Variants in HEATR5A observed in about 807,000 individuals in gnomAD.
HEATR5A encodes the protein HEAT repeat-containing protein 5A.
Under a neutral mutation model 218.8 loss-of-function variants are expected in HEATR5A, and 178 were observed. The ratio of observed to expected loss-of-function variants is 0.81; its 90% CI spans 0.72 to 0.92. The LOEUF (loss-of-function observed/expected upper bound fraction) is 0.92. Ranked by LOEUF, HEATR5A falls within the 40% of genes least tolerant of loss-of-function variation. The pLI is 0.00. For synonymous variants in HEATR5A, 864 were observed against 871.6 expected, an observed-to-expected ratio of 0.99 and a Z score of 0.15; for missense variants, 2,420 against 2,418.9, an observed-to-expected ratio of 1.00 and a Z score of -0.01.
chr14:31,387,435 C>G (rs2030273660), intron 7 of HEATR5A, 60 bp from the exon 8 acceptor site: 7 of 1,194,864 alleles, frequency 5.9e-6, no homozygotes, highest in Admixed American at 5.0e-5. Flanking sequence ...TATTCTCCCC[C>G]ACAAAACATG....
intron 1 of HEATR5A, among the ~76,000 whole-genome samples, chr14:31,416,520 C>A (rs1438357793): frequency 1.3e-5 from 2 of 151,864 alleles, no homozygotes; most frequent in Non-Finnish European, 2.9e-5. Context: ...TAACCAGCTC[C>A]AATTTCTTAG....
chr14:31,297,889 GC>G (rs903873896), intron 33 of HEATR5A, among the ~76,000 whole-genome samples: 1 of 152,170 alleles, frequency 6.6e-6, no homozygotes, highest in African/African-American at 2.4e-5. Flanking sequence ...TAACTATAAT[GC>G]TATACTGCTT....
chr14:31,356,910 G>C (rs551485757), intron 16 of HEATR5A, among the ~76,000 whole-genome samples: 21 of 152,210 alleles, frequency 1.4e-4, no homozygotes, highest in African/African-American at 5.1e-4. Flanking sequence ...TTAAGAACAG[G>C]CTTAATTTAA....
intron 31 of HEATR5A, 95 bp from the exon 32 acceptor site, chr14:31,305,272 T>A: frequency 7.5e-7 from 1 of 1,326,124 alleles, no homozygotes. Context: ...ACATGTATTT[T>A]ATTTTTTTGA....
In HEATR5A at chr14:31,293,905, G is replaced by GCAA; in HGVS notation, c.5816_5818dup (p.Val1939dup). 6.2e-7 allele frequency: 1 copy of GCAA among 1,600,746 alleles called. No homozygotes were observed. On this transcript the variant is annotated inframe_insertion, in exon 35 of 36. Coordinates refer to ENST00000543095, the MANE Select transcript of HEATR5A (RefSeq NM_015473.4). The stretch of plus-strand genomic sequence containing the variant: ...CTGACACTTACGATGGTGTTCTTCA[G>GCAA]CAACAGTAACCAGTGTTTCTAAGAC...
chr14:31,374,945 G>C lies in HEATR5A; in HGVS notation c.1732C>G (p.Leu578Val). The C allele has an allele frequency of 6.2e-7, 1 of 1,610,390 alleles. No homozygotes were observed. Among genetic ancestry groups the C allele is most frequent in the Non-Finnish European group, 8.5e-7 (1 of 1,178,266 alleles). ...TTCCACAACAGCAGAACTCGAGCAAGGTGATGGCTAACAACTGCAGGACCT... is the reference window on the plus strand; with the variant it reads ...TTCCACAACAGCAGAACTCGAGCAACGTGATGGCTAACAACTGCAGGACCT... ...TLGPAVVSHH[L>V]ARVLLLWKCV... is the part of the protein sequence containing the mutation. The change falls in exon 12 of 36, where the codon CTT becomes GTT. Residue 578 changes from leucine (L) to valine (V), a missense_variant. Transcript: ENST00000543095.
At chr14:31,322,091 T>C (rs1900126226) in intron 24 of HEATR5A, among the ~76,000 whole-genome samples, 1 of 152,236 alleles carries the variant, frequency 6.6e-6, no homozygotes, top group Non-Finnish European at 1.5e-5. Flanking sequence ...AAAAAAAGTT[T>C]TATGCGGCTC....
At chr14:31,410,195 T>G (rs1186630687) in intron 1 of HEATR5A, among the ~76,000 whole-genome samples, 1 of 152,208 alleles carries the variant, frequency 6.6e-6, no homozygotes, top group Non-Finnish European at 1.5e-5. Flanking sequence ...AAATTTCAAT[T>G]ATTTTTCTTT....
intron 1 of HEATR5A, among the ~76,000 whole-genome samples, chr14:31,412,379 G>T (rs1436487601): frequency 6.6e-6 from 1 of 151,346 alleles, no homozygotes; most frequent in Non-Finnish European, 1.5e-5. Context: ...GGTGGATCAC[G>T]AGGTCAAGAT....
chr14:31,354,643 G>T lies in HEATR5A; in HGVS notation c.2412-3926C>A, dbSNP rs182149286. Among the ~76,000 whole-genome samples, 47 of 152,252 alleles carry T rather than the reference G, an allele frequency of 3.1e-4. 1 individual carries two copies. In the East Asian group the frequency reaches 8.5e-3, roughly 27 times the overall value. Reference sequence around the variant, plus strand: ...TGGAATGAAATGATAGGTACTAAAAGTTTTGAGTCTAGATGGAATAAAAGT... The same window carrying T: ...TGGAATGAAATGATAGGTACTAAAATTTTTGAGTCTAGATGGAATAAAAGT... On this transcript the variant is annotated intron_variant, in intron 16 of 35. Coordinates refer to ENST00000543095, the MANE Select transcript of HEATR5A (RefSeq NM_015473.4).
At chr14:31,328,423 G>C (rs1043289972) in intron 22 of HEATR5A, among the ~76,000 whole-genome samples, 12 of 152,226 alleles carry the variant, frequency 7.9e-5, no homozygotes, top group African/African-American at 2.9e-4. Context: ...GAGGGGAGAG[G>C]AATCATAAAG....
Position 31,340,372 on chromosome 14 carries a change from T to C in HEATR5A, c.3229-2758A>G, listed in dbSNP as rs1021822951. 4.5e-6 allele frequency: 4 copies of C among 896,152 alleles called. No homozygotes were observed. The African/African-American group carries it at 7.0e-5, about 16-fold the overall frequency. 55.5% of individuals were successfully genotyped at this position (896,152 alleles called of 1,614,324 possible). A position where few individuals can be genotyped will look rare whatever the true frequency, so the allele number is the denominator to read the frequency against. On this transcript the variant is annotated intron_variant, in intron 21 of 35. Coordinates refer to ENST00000543095, the MANE Select transcript of HEATR5A (RefSeq NM_015473.4). ...AAAAGAGATGCAGAGGAAACAAACATCTACAACCAAAAAATGACACAAAGA... is the reference window on the plus strand; with the variant it reads ...AAAAGAGATGCAGAGGAAACAAACACCTACAACCAAAAAATGACACAAAGA...
chr14:31,402,927 G>A lies in HEATR5A; in HGVS notation c.49C>T (p.Leu17=), dbSNP rs2139308652. ...LLLNEEAYNQ[L]GEVQKAEFIF... ...AACTCTGCCTTCTGAACTTCACCTA[G>A]TTGATTGTATGCTTCTTCATTCAGC... is the stretch of plus-strand genomic sequence containing the variant. The change falls in exon 2 of 36, where the codon CTA becomes TTA. Residue 17 remains leucine, a synonymous_variant. Coordinates refer to ENST00000543095, the MANE Select transcript of HEATR5A (RefSeq NM_015473.4). The A allele has an allele frequency of 6.5e-7, 1 of 1,536,154 alleles. No homozygotes were observed. The highest frequency in any genetic ancestry group is 8.7e-7 in the Non-Finnish European group (1 of 1,146,782).
At chr14:31,362,067 C>T (rs909613823) in intron 14 of HEATR5A, among the ~76,000 whole-genome samples, 1 of 152,040 alleles carries the variant, frequency 6.6e-6, no homozygotes, top group Non-Finnish European at 1.5e-5. Flanking sequence ...CAGGTTCAAA[C>T]GATTCTCCTG....
intron 33 of HEATR5A, among the ~76,000 whole-genome samples, chr14:31,300,224 C>T (rs1419676917): frequency 2.0e-5 from 3 of 152,096 alleles, no homozygotes; most frequent in Non-Finnish European, 2.9e-5. Flanking sequence ...TACTTGCCTT[C>T]CCTAGCTATT....
At chr14:31,371,666 T>C (rs1902041788) in intron 13 of HEATR5A, 144 bp downstream of exon 13, 1 of 435,480 alleles carries the variant, frequency 2.3e-6, no homozygotes, top group Admixed American at 4.3e-5. Context: ...TTCAAGATCC[T>C]AGCCTAAAAA....
chr14:31,414,280 G>C (rs1197092755), intron 1 of HEATR5A, among the ~76,000 whole-genome samples: 1 of 152,118 alleles, frequency 6.6e-6, no homozygotes, highest in Non-Finnish European at 1.5e-5. Flanking sequence ...TGAGATTCCA[G>C]TAACAGGAAG....
chr14:31,387,998 G>A (rs1270933440), intron 7 of HEATR5A, among the ~76,000 whole-genome samples: 5 of 152,190 alleles, frequency 3.3e-5, no homozygotes, highest in South Asian at 4.2e-4. Context: ...CAACGGCTCC[G>A]AGAGATTTAA....
intron 18 of HEATR5A, among the ~76,000 whole-genome samples, chr14:31,348,511 A>G (rs1901095430): frequency 6.6e-6 from 1 of 152,192 alleles, no homozygotes; most frequent in South Asian, 2.1e-4. Flanking sequence ...GGAGTCCAGG[A>G]GTTCGAGGCT....
Sources: allele counts gnomAD v4.1 joint callset (sites outside exome capture counted in the v4.1 genomes callset), GRCh38; gene constraint gnomAD v4.1.1; transcripts MANE v1.5; gene names NCBI Gene and HGNC (gene_info 2026-07-23, HGNC 2026-07-21).